The following KIAA1328 variants were observed in gnomAD, a reference collection of about 807,000 sequenced individuals.
The protein encoded by KIAA1328 is protein hinderin.
KIAA1328 carries 52 observed loss-of-function variants against 68.1 expected under a neutral mutation model. The observed-to-expected ratio is 0.76, with a 90% confidence interval of 0.61 to 0.96. The LOEUF (loss-of-function observed/expected upper bound fraction) is 0.96. KIAA1328 is among the 40% of genes least tolerant of loss of function. The pLI is 0.00. For missense variants in KIAA1328, 641 were observed against 677.6 expected (o/e 0.95, Z 0.60); for synonymous variants, 232 against 239.4 (o/e 0.97, Z 0.28).
intron 7 of KIAA1328, among the ~76,000 whole-genome samples, chr18:37,080,425 A>T (rs952514243): frequency 1.3e-5 from 2 of 152,188 alleles, no homozygotes; most frequent in East Asian, 3.9e-4. Flanking sequence ...GCCTTTGTGA[A>T]GGAAATATAT....
At chr18:37,181,024 A>T (rs1376331646) in intron 9 of KIAA1328, among the ~76,000 whole-genome samples, 1 of 152,170 alleles carries the variant, frequency 6.6e-6, no homozygotes, top group Non-Finnish European at 1.5e-5. Flanking sequence ...TCAAAATATC[A>T]GATAGAATTT....
chr18:37,106,815 C>T (rs1025508532), intron 7 of KIAA1328, among the ~76,000 whole-genome samples: 1 of 152,132 alleles, frequency 6.6e-6, no homozygotes, highest in Admixed American at 6.6e-5. Flanking sequence ...AAATCCAAAA[C>T]GAATTAAGTG....
chr18:37,227,773 C>T (rs1018589908), downstream of KIAA1328, among the ~76,000 whole-genome samples: 21 of 152,228 alleles, frequency 1.4e-4, no homozygotes, highest in Non-Finnish European at 2.2e-4. Flanking sequence ...AACCATTCTG[C>T]AGCCCATGGA....
chr18:36,902,115 G>A (rs1363611700), intron 5 of KIAA1328: 2 of 151,670 alleles, frequency 1.3e-5, no homozygotes, highest in Non-Finnish European at 2.9e-5. Flanking sequence ...CTTCATTTTT[G>A]CCACATGTGT....
At chr18:36,937,587 G>T (rs150358138) in intron 5 of KIAA1328, among the ~76,000 whole-genome samples, 356 of 152,176 alleles carry the variant, frequency 2.3e-3, no homozygotes, top group Non-Finnish European at 4.2e-3. Flanking sequence ...TTCATATGTG[G>T]CCAACAAACA....
intron 7 of KIAA1328, among the ~76,000 whole-genome samples, chr18:37,152,924 T>A (rs1289981815): frequency 6.6e-6 from 1 of 152,114 alleles, no homozygotes; most frequent in African/African-American, 2.4e-5. Flanking sequence ...TGCTGGCAGC[T>A]GTGCCAATAG....
chr18:37,229,445 A>G, downstream of KIAA1328: 2 of 612,798 alleles, frequency 3.3e-6, no homozygotes, highest in Non-Finnish European at 2.4e-6. Flanking sequence ...TTTTGCACCA[A>G]TAATGAAAAT....
Position 37,058,722 on chromosome 18 carries a change from T to A in KIAA1328, c.577-8168T>A, listed in dbSNP as rs569346158. ...GCAAGACTCTGTCTCTAAAAAAAAA[T>A]TTTAATAAAATAAATAAATAAATAA... On this transcript the variant is annotated intron_variant, in intron 6 of 9. Coordinates refer to ENST00000280020, the MANE Select transcript of KIAA1328 (RefSeq NM_020776.3). 9.2e-5 allele frequency among the ~76,000 whole-genome samples: 14 copies of A among 151,706 alleles called. No individual in the cohort carries two copies. The South Asian group carries it at 1.3e-3, about 14-fold the overall frequency.
intron 7 of KIAA1328, among the ~76,000 whole-genome samples, chr18:37,121,316 G>T (rs2058262397): frequency 6.6e-6 from 1 of 152,248 alleles, no homozygotes; most frequent in Admixed American, 6.5e-5. Context: ...TCTATAAGAA[G>T]AATTCATCAG....
rs1444885081 is a variant in KIAA1328 at position 37,067,165 on chromosome 18, A to G, written c.852A>G (p.Lys284=). 1 of 1,613,916 alleles carries G rather than the reference A, an allele frequency of 6.2e-7. No individual in the cohort carries two copies. The highest frequency in any genetic ancestry group is 1.3e-5 in the African/African-American group (1 of 74,934). Residue 284 remains lysine (K), a synonymous_variant, in exon 7 of 10, where the codon AAA becomes AAG. Transcript: ENST00000280020. ...GAAAACCTGCAGTCCCAACAGAGAA[A>G]ATGCCACAAGAAGAATTGCACATGA... is the stretch of plus-strand genomic sequence containing the variant. ...PGRKPAVPTE[K]MPQEELHMKE...
chr18:36,948,218 G>T (rs2050980532), intron 5 of KIAA1328, among the ~76,000 whole-genome samples: 1 of 151,098 alleles, frequency 6.6e-6, no homozygotes, highest in Admixed American at 6.6e-5. Context: ...TCTGTTTGAA[G>T]ATCGGAAGTA....
chr18:36,930,070 C>G (rs946596414), intron 5 of KIAA1328, among the ~76,000 whole-genome samples: 9 of 152,128 alleles, frequency 5.9e-5, no homozygotes, highest in Admixed American at 5.2e-4. Context: ...TTGTAAGCCA[C>G]TGGTAGAGAC....
chr18:36,855,899 G>A (rs956300738), intron 4 of KIAA1328, among the ~76,000 whole-genome samples: 3 of 151,886 alleles, frequency 2.0e-5, no homozygotes, highest in African/African-American at 7.2e-5. Flanking sequence ...TTTGCATGAA[G>A]ATATCCAGTT....
intron 5 of KIAA1328, chr18:36,925,148 A>G (rs2050066393): frequency 6.6e-6 from 1 of 152,204 alleles, no homozygotes; most frequent in Non-Finnish European, 1.5e-5. Flanking sequence ...AACTCTGTAA[A>G]GTTTTTTGGA....
chr18:37,084,124 G>A, intron 7 of KIAA1328: 1 of 1,461,320 alleles, frequency 6.8e-7, no homozygotes, highest in South Asian at 1.4e-5. Context: ...AATTTTTACA[G>A]GTTAAAAGCT....
intron 4 of KIAA1328, among the ~76,000 whole-genome samples, chr18:36,866,832 A>G (rs918472160): frequency 6.6e-6 from 1 of 152,210 alleles, no homozygotes; most frequent in African/African-American, 2.4e-5. Context: ...CAAGTGGGAG[A>G]AAAATGTCAG....
intron 6 of KIAA1328, among the ~76,000 whole-genome samples, chr18:37,032,602 A>G (rs779869298): frequency 2.0e-5 from 3 of 151,456 alleles, no homozygotes; most frequent in Non-Finnish European, 4.4e-5. Flanking sequence ...CATCACTTTC[A>G]TAATATTGTA....
At chr18:36,940,910 G>A (rs1386470448) in intron 5 of KIAA1328, among the ~76,000 whole-genome samples, 2 of 152,014 alleles carry the variant, frequency 1.3e-5, no homozygotes, top group East Asian at 1.9e-4. Flanking sequence ...TCTTGACCTT[G>A]TGATCCACCC....
chr18:37,130,415 C>A (rs2058494448), intron 7 of KIAA1328, among the ~76,000 whole-genome samples: 1 of 152,110 alleles, frequency 6.6e-6, no homozygotes, highest in Admixed American at 6.5e-5. Flanking sequence ...ATCAAGAGAT[C>A]AAGACCATGC....
Sources: gnomAD v4.1 joint callset for allele counts (sites outside exome capture counted in the v4.1 genomes callset) on GRCh38, gnomAD v4.1.1 for gene constraint, MANE v1.5 for transcripts, NCBI Gene and HGNC (gene_info 2026-07-23, HGNC 2026-07-21) for gene names.